The following DUS3L variants were observed in gnomAD, a reference collection of about 807,000 sequenced individuals.
DUS3L encodes the protein dihydrouridine synthase 3 like.
Under a neutral mutation model 74.6 loss-of-function variants are expected in DUS3L, and 62 were observed. The observed-to-expected ratio is 0.83, with a 90% CI of 0.68 to 1.03. DUS3L has a LOEUF of 1.03. Among genes scored for constraint, DUS3L ranks in the 50% least tolerant of loss-of-function variants. The pLI, the probability that DUS3L is intolerant of heterozygous loss-of-function variation, is 0.00. For synonymous variants in DUS3L, 433 were observed against 395.7 expected (o/e 1.09, Z -1.12); for missense variants, 884 against 924.4 (o/e 0.96, Z 0.57).
At position 5,790,064 on chromosome 19, in the gene DUS3L, A is replaced by G; in HGVS notation, c.370T>C (p.Cys124Arg). 1 of 1,614,050 alleles carries G rather than the reference A, an allele frequency of 6.2e-7. No homozygotes were observed. The highest frequency in any genetic ancestry group is 8.5e-7 in the Non-Finnish European group (1 of 1,179,956). Residue 124 changes from cysteine (C) to arginine (R), a missense_variant, in exon 2 of 13, where the codon TGT becomes CGT. Coordinates refer to ENST00000309061, the MANE Select transcript of DUS3L (RefSeq NM_020175.3). ...KPTNYDKNRL[C>R]PSLIQESAAK... ...GCACTTGCCTGGATTAGGGAGGGAC[A>G]CAGCCTGTTCTTGTCGTAGTTCGTG...
chr19:5,785,540 T>C, intron 11 of DUS3L, 29 bp from the exon 12 acceptor site: 3 of 1,547,890 alleles, frequency 1.9e-6, no homozygotes, highest in Non-Finnish European at 2.6e-6. Context: ...CAGGACAGGC[T>C]TGAGTCAGCT....
intron 8 of DUS3L, 33 bp from the exon 9 acceptor site, chr19:5,786,878 CAG>C (rs1274268661): frequency 2.8e-5 from 45 of 1,582,328 alleles, no homozygotes; most frequent in South Asian, 4.6e-5. Context: ...GGGTAGGAGG[CAG>C]AGAGTGAGAC....
intron 8 of DUS3L, 26 bp downstream of exon 8, chr19:5,787,035 A>G: frequency 6.6e-7 from 1 of 1,520,188 alleles, no homozygotes; most frequent in Non-Finnish European, 8.8e-7. Flanking sequence ...GCGAGGCCCC[A>G]ATGCCCGAGG....
intron 2 of DUS3L, 153 bp downstream of exon 2, chr19:5,789,894 A>C: frequency 7.7e-7 from 1 of 1,301,356 alleles, no homozygotes; most frequent in Non-Finnish European, 1.1e-6. Flanking sequence ...AAGCCCTACA[A>C]TGTATCCCGA....
rs114071992 is a variant in DUS3L, at chr19:5,786,658, G to A, written c.1486+91C>T. On this transcript the variant is annotated intron_variant, in intron 9 of 12. Transcript: ENST00000309061. ...CCAGTGGCTCCCATCAGGGTGGTAC[G>A]AGGGGGTCCCAAGTGGGAAGGCGAA... The A allele has an allele frequency of 2.6e-3, 4,024 of 1,571,192 alleles. 102 individuals carry two copies. In the African/African-American group the frequency reaches 0.047, roughly 18 times the overall value.
At chr19:5,790,356 G>A (rs1436889210) in intron 1 of DUS3L, 21 bp from the exon 2 acceptor site, 4 of 1,613,438 alleles carry the variant, frequency 2.5e-6, no homozygotes, top group Non-Finnish European at 3.4e-6. Context: ...AAAGGGAAAG[G>A]AAAACCCTCC....
intron 10 of DUS3L, chr19:5,786,038 G>A (rs569333854): frequency 2.1e-4 from 108 of 512,716 alleles, no homozygotes; most frequent in African/African-American, 1.8e-3. Context: ...TTCAACCTCC[G>A]TCTCCCAGGT....
chr19:5,788,651 AT>A (rs66643563), intron 3 of DUS3L, among the ~76,000 whole-genome samples: 53,518 of 149,252 alleles, frequency 0.36, 13,175 homozygotes, highest in African/African-American at 0.7. Flanking sequence ...AGCCTCCCAC[AT>A]TTGTCCCCCG....
At chr19:5,787,194 G>GTGGGAGACACTGGCAGATGGTGGGAGGTC (rs2056853769) in intron 7 of DUS3L, 23 bp from the exon 8 acceptor site, 3 of 325,634 alleles carry the variant, frequency 9.2e-6, no homozygotes, top group Middle Eastern at 5.7e-4. Flanking sequence ...GGTGGGAGGT[G>GTGGGAGACACTGGCAGATGGTGGGAGGTC]GTGGGAGATG....
rs1324520128 is a variant in DUS3L, at chr19:5,786,855, A to C, written c.1390-10T>G. On this transcript the variant is annotated splice_polypyrimidine_tract_variant and intron_variant, in intron 8 of 12. Transcript: ENST00000309061. ...GAGAGCGGCCGTGGAGCTGGGGGAG[A>C]AGCCGCCACGCAGGGTAGGAGGCAG... The C allele has an allele frequency of 3.7e-6, 6 of 1,603,154 alleles. No homozygotes were observed. Among genetic ancestry groups the C allele is most frequent in the Non-Finnish European group, 5.1e-6 (6 of 1,176,162 alleles).
Position 5,788,055 on chromosome 19 carries a change from C to T in DUS3L, c.1064G>A (p.Arg355His), listed in dbSNP as rs1417059623. 6 of 1,613,476 alleles carry T rather than the reference C, an allele frequency of 3.7e-6. No individual in the cohort carries two copies. Among genetic ancestry groups the T allele is most frequent in the Non-Finnish European group, 4.2e-6 (5 of 1,180,004 alleles). Residue 355 changes from arginine to histidine, a missense_variant, in exon 5 of 13, where the codon CGC becomes CAC. Arg to His is a conservative substitution (Grantham distance 29). Coordinates refer to ENST00000309061, the MANE Select transcript of DUS3L (RefSeq NM_020175.3). ...GCCAAAGATGTCCTCACACTGGTGGCGTTTGAGTAGGGCCCACTCGGACAT... is the reference window on the plus strand; with the variant it reads ...GCCAAAGATGTCCTCACACTGGTGGTGTTTGAGTAGGGCCCACTCGGACAT... ...GQMSEWALLKRHQCEDIFGVQ... is the reference protein window; with the variant it reads ...GQMSEWALLKHHQCEDIFGVQ...
chr19:5,787,832 G>A, intron 5 of DUS3L, 127 bp from the exon 6 acceptor site: 7 of 1,438,910 alleles, frequency 4.9e-6, no homozygotes, highest in Non-Finnish European at 6.7e-6. Context: ...CCCGGAAGGA[G>A]CCAAGGTCTG....
intron 4 of DUS3L, 41 bp from the exon 5 acceptor site, chr19:5,788,217 G>GCACACACA (rs113274115): frequency 6.0e-6 from 9 of 1,505,712 alleles, no homozygotes; most frequent in African/African-American, 1.4e-5. Flanking sequence ...TCTTGCACGC[G>GCACACACA]CACACACACA....
chr19:5,789,855 A>C (rs1434865965), intron 2 of DUS3L, 136 bp from the exon 3 acceptor site: 1 of 1,312,106 alleles, frequency 7.6e-7, no homozygotes, highest in African/African-American at 1.5e-5. Context: ...GTGCCTCTGC[A>C]TCTCCATTTA....
At chr19:5,790,398 G>A (rs1280639200) in intron 1 of DUS3L, 63 bp from the exon 2 acceptor site, 11 of 1,591,658 alleles carry the variant, frequency 6.9e-6, no homozygotes, top group South Asian at 6.7e-5. Flanking sequence ...GGGAAAGGAG[G>A]CTAGAAACAC....
chr19:5,786,441 G>T, intron 10 of DUS3L, 26 bp downstream of exon 10: 1 of 1,609,502 alleles, frequency 6.2e-7, no homozygotes, highest in South Asian at 1.1e-5. Flanking sequence ...CATGAAGCTG[G>T]ATCTCTAACA....
At chr19:5,787,842 G>T (rs1182842557) in intron 5 of DUS3L, 137 bp from the exon 6 acceptor site, 12 of 1,427,986 alleles carry the variant, frequency 8.4e-6, no homozygotes, top group Non-Finnish European at 1.9e-6. Flanking sequence ...GCCAAGGTCT[G>T]TCTGCGAGGC....
At chr19:5,789,090 C>T in intron 3 of DUS3L, 117 bp downstream of exon 3, 1 of 1,419,460 alleles carries the variant, frequency 7.0e-7, no homozygotes, top group Non-Finnish European at 9.3e-7. Context: ...GGAGCTCCCT[C>T]AAGGCACACA....
Position 5,790,277 on chromosome 19 carries a change from T to A in DUS3L, c.157A>T (p.Thr53Ser), listed in dbSNP as rs1287360135. Reference sequence around the variant, plus strand: ...TCTCCTACCTCGGTTTCCCGGCAAGTCTTCTCCTGCCCTTTGGCTTCCAGG... The same window carrying A: ...TCTCCTACCTCGGTTTCCCGGCAAGACTTCTCCTGCCCTTTGGCTTCCAGG... ...QFLEAKGQEK[T>S]CRETEVGDPA... The change falls in exon 2 of 13, where the codon ACT becomes TCT. Residue 53 changes from threonine to serine, a missense_variant. Thr to Ser is a moderately conservative substitution (Grantham distance 58). Transcript: ENST00000309061. 2 of 1,614,004 alleles carry A rather than the reference T, an allele frequency of 1.2e-6. No individual in the cohort carries two copies. Among genetic ancestry groups the A allele is most frequent in the African/African-American group, 2.7e-5 (2 of 74,902 alleles).
Sources: gnomAD v4.1 joint callset for allele counts (sites outside exome capture counted in the v4.1 genomes callset) on GRCh38, gnomAD v4.1.1 for gene constraint, MANE v1.5 for transcripts, NCBI Gene and HGNC (gene_info 2026-07-23, HGNC 2026-07-21) for gene names.